The following KMT2B variants were observed in gnomAD, a reference collection of about 807,000 sequenced individuals.
The protein encoded by KMT2B is histone-lysine N-methyltransferase 2B.
Under a neutral mutation model 255.3 loss-of-function variants are expected in KMT2B, and 22 were observed. The observed-to-expected ratio is 0.09, with a 90% CI of 0.06 to 0.12. The LOEUF is 0.12. KMT2B is among the 10% of genes least tolerant of loss of function. The probability of loss-of-function intolerance (pLI) is 1.00; values close to 1 mark genes in which losing one functional copy is unlikely to be tolerated. For missense variants in KMT2B, 3,149 were observed against 3,737.0 expected (o/e 0.84, Z 4.10); for synonymous variants, 1,730 against 1,498.1 (o/e 1.15, Z -3.57).
At position 35,733,087 on chromosome 19, in the gene KMT2B, G is replaced by A. The variant is rs939716410; in HGVS notation, c.6538G>A (p.Ala2180Thr). 2 of 1,563,700 alleles carry A rather than the reference G, an allele frequency of 1.3e-6. No homozygotes were observed. The highest frequency in any genetic ancestry group is 1.7e-6 in the Non-Finnish European group (2 of 1,154,278). The change falls in exon 28 of 37, where the codon GCC (alanine) becomes ACC (threonine). Residue 2180 changes from alanine (A) to threonine (T), a missense_variant. Ala to Thr is a moderately conservative substitution (Grantham distance 58). Coordinates refer to ENST00000420124, the MANE Select transcript of KMT2B (RefSeq NM_014727.3). This position sits in a 1 kb window ranked among gnomAD's most constrained non-coding sequence, Gnocchi z 4.3. ...GGTCCGGGTGTTAAGCCTTGGCCCT[G>A]CCCCTGAGCCCCCCAAACCCGCCAC... Reference protein sequence around the residue: ...PGVRVLSLGPAPEPPKPATSK... With the variant: ...PGVRVLSLGPTPEPPKPATSK...
rs767028085 is a variant in KMT2B, at chr19:35,723,105, C to T, written c.2833C>T (p.Leu945=). The part of the protein sequence containing the change: ...ESEPTGSGGT[L]AHTPRRSLPS... ...AGAGCCCACAGGTTCTGGAGGGACC[C>T]TGGCCCACACACCCCGGCGCTCACT... is the stretch of plus-strand genomic sequence containing the variant. Residue 945 remains leucine, a synonymous_variant, in exon 6 of 37, where the codon CTG becomes TTG. Transcript: ENST00000420124. This position sits in a 1 kb window ranked among gnomAD's most constrained non-coding sequence, Gnocchi z 7.5. 1.4e-5 allele frequency: 23 copies of T among 1,613,230 alleles called. No homozygotes were observed. The highest frequency in any genetic ancestry group is 1.7e-5 in the Non-Finnish European group (20 of 1,179,858).
At position 35,733,994 on chromosome 19, in the gene KMT2B, C is replaced by A; in HGVS notation, c.7159+122C>A. 1.5e-6 allele frequency: 1 copy of A among 680,956 alleles called. No individual in the cohort carries two copies. Among genetic ancestry groups the A allele is most frequent in the Non-Finnish European group, 2.6e-6 (1 of 391,322 alleles). 42.2% of individuals were successfully genotyped at this position (680,956 alleles called of 1,614,324 possible). ...ACTCCCAGGGGCCAAGCCTGAGGCTCGGTGCTAGAGTTAGAGATGACCTTG... is the reference window on the plus strand; with the variant it reads ...ACTCCCAGGGGCCAAGCCTGAGGCTAGGTGCTAGAGTTAGAGATGACCTTG... On this transcript the variant is annotated intron_variant, in intron 30 of 36. Coordinates refer to ENST00000420124, the MANE Select transcript of KMT2B (RefSeq NM_014727.3). The surrounding 1 kb of genome is among the most constrained non-coding windows in gnomAD (Gnocchi z 4.3).
Position 35,721,539 on chromosome 19 carries a change from C to T in KMT2B, c.2192C>T (p.Pro731Leu), listed in dbSNP as rs960130483. 1.2e-6 allele frequency: 2 copies of T among 1,611,622 alleles called. No homozygotes were observed. Residue 731 changes from proline to leucine, a missense_variant, in exon 3 of 37, where the codon CCA (proline) becomes CTA (leucine). This residue lies in a region of KMT2B where 1,188 missense variants were observed against 1,106.4 expected (regional missense o/e 1.07). Coordinates refer to ENST00000420124, the MANE Select transcript of KMT2B (RefSeq NM_014727.3). ...GGGGCTCCAGCTCTGAGCAACGGGC[C>T]ACAGACACAGGCTCAGCTACTGCAG... ...PHGAPALSNG[P>L]QTQAQLLQPL...
rs1969020074 is a variant in KMT2B, at chr19:35,718,030, G to A, written c.12G>A (p.Ala4=). Residue 4 remains alanine (A), a synonymous_variant, in exon 1 of 37, where the codon GCG becomes GCA. Coordinates refer to ENST00000420124, the MANE Select transcript of KMT2B (RefSeq NM_014727.3). This position sits in a 1 kb window ranked among gnomAD's most constrained non-coding sequence, Gnocchi z 5.0. Reference sequence around the variant, plus strand: ...CTCACGGTGCCAAGATGGCGGCGGCGGCGGGCGGCGGCAGTTGCCCCGGGC... The same window carrying A: ...CTCACGGTGCCAAGATGGCGGCGGCAGCGGGCGGCGGCAGTTGCCCCGGGC... MAA[A]AGGGSCPGPG... 4 of 985,246 alleles carry A rather than the reference G, an allele frequency of 4.1e-6. No individual in the cohort carries two copies. Among genetic ancestry groups the A allele is most frequent in the Middle Eastern group, 5.2e-4 (1 of 1,932 alleles). 61.0% of individuals were successfully genotyped at this position (985,246 alleles called of 1,614,324 possible). A position where few individuals can be genotyped will look rare whatever the true frequency, so the allele number is the denominator to read the frequency against.
rs1407591338 is a variant in KMT2B, at chr19:35,725,868, C to T, written c.3885+50C>T. On this transcript the variant is annotated intron_variant, in intron 13 of 36. Coordinates refer to ENST00000420124, the MANE Select transcript of KMT2B (RefSeq NM_014727.3). This position sits in a 1 kb window ranked among gnomAD's most constrained non-coding sequence, Gnocchi z 4.1. ...GCTTTGTCTCTAATGAATATCACCA[C>T]CACCCCCAAACTTGCTCTAGGCTGG... The T allele has an allele frequency of 6.9e-7, 1 of 1,457,430 alleles. No individual in the cohort carries two copies. The highest frequency in any genetic ancestry group is 9.4e-7 in the Non-Finnish European group (1 of 1,062,096). The allele number at this position is 1,457,430 out of a possible 1,614,324, so 90.3% of individuals were successfully genotyped here.
In KMT2B at chr19:35,732,112, C is replaced by G; in HGVS notation, c.5642C>G (p.Ser1881Cys). Residue 1881 changes from serine (S) to cysteine (C), a missense_variant, in exon 27 of 37, where the codon TCC becomes TGC. By Grantham distance (112) the Ser-to-Cys change is moderately radical (BLOSUM62 -1). Around this residue, in one of 18 missense-constraint regions of KMT2B, gnomAD observed 897 missense variants for 825.3 expected, o/e 1.09. Coordinates refer to ENST00000420124, the MANE Select transcript of KMT2B (RefSeq NM_014727.3). ...SPSRRPLGGVSFGPLPSPGSP... is the reference protein window; with the variant it reads ...SPSRRPLGGVCFGPLPSPGSP... ...TCCCGGAGGCCCTTGGGGGGTGTCT[C>G]CTTTGGCCCCCTGCCCTCCCCTGGT... The G allele has an allele frequency of 6.3e-7, 1 of 1,598,352 alleles. No individual in the cohort carries two copies. Among genetic ancestry groups the G allele is most frequent in the South Asian group, 1.1e-5 (1 of 88,936 alleles).
Position 35,730,480 on chromosome 19 carries a change from C to T in KMT2B, c.5197+18C>T, listed in dbSNP as rs536773071. On this transcript the variant is annotated intron_variant, in intron 24 of 36. Coordinates refer to ENST00000420124, the MANE Select transcript of KMT2B (RefSeq NM_014727.3). Reference sequence around the variant, plus strand: ...GCTCATTGGTAAGCTGCCTGCTCTCCGCCCTGTCCTCCTACCCTGTCCTGC... The same window carrying T: ...GCTCATTGGTAAGCTGCCTGCTCTCTGCCCTGTCCTCCTACCCTGTCCTGC... The T allele has an allele frequency of 5.3e-5, 86 of 1,614,036 alleles. No individual in the cohort carries two copies. Among genetic ancestry groups the T allele is most frequent in the South Asian group, 2.7e-4 (25 of 91,088 alleles).
Position 35,737,463 on chromosome 19 carries a change from C to T in KMT2B, c.7551-173C>T, listed in dbSNP as rs1969963165. On this transcript the variant is annotated intron_variant, in intron 33 of 36. Coordinates refer to ENST00000420124, the MANE Select transcript of KMT2B (RefSeq NM_014727.3). The surrounding 1 kb of genome is among the most constrained non-coding windows in gnomAD (Gnocchi z 5.3). ...TTGGGAGGCCGAGGCAGGAGGATCGCATGAGCCCAGGAGTTGGAGACCAGC... is the reference window on the plus strand; with the variant it reads ...TTGGGAGGCCGAGGCAGGAGGATCGTATGAGCCCAGGAGTTGGAGACCAGC... The T allele has an allele frequency of 2.6e-6, 2 of 761,942 alleles. No homozygotes were observed. Among genetic ancestry groups the T allele is most frequent in the African/African-American group, 3.5e-5 (2 of 56,720 alleles). The allele number at this position is 761,942 out of a possible 1,614,324, so 47.2% of individuals were successfully genotyped here.
rs761678487 is a variant in KMT2B, at chr19:35,730,565, C to A, written c.5225C>A (p.Thr1742Asn). The A allele has an allele frequency of 6.2e-7, 1 of 1,614,024 alleles. No homozygotes were observed. Among genetic ancestry groups the A allele is most frequent in the Non-Finnish European group, 8.5e-7 (1 of 1,179,894 alleles). ...IGSIRIDSLG[T>N]LSDLSDCEGR... is the part of the protein sequence containing the mutation. Reference sequence around the variant, plus strand: ...TCCATCCGCATTGACTCCCTGGGTACTCTGTCTGATCTCTCGGACTGCGAG... The same window carrying A: ...TCCATCCGCATTGACTCCCTGGGTAATCTGTCTGATCTCTCGGACTGCGAG... Residue 1742 changes from threonine to asparagine, a missense_variant, in exon 25 of 37, where the codon ACT becomes AAT. Transcript: ENST00000420124.
chr19:35,720,605 C>T lies in KMT2B; in HGVS notation c.1258C>T (p.Pro420Ser). ...TTCACCTCCTCCACCCCTCCCACCC[C>T]CTTCGACATCTCCTCCACCCCCACT... The part of the protein sequence containing the change: ...APSPPPPLPP[P>S]STSPPPPLCP... Residue 420 changes from proline to serine, a missense_variant, in exon 3 of 37, where the codon CCT becomes TCT. This residue lies in a region of KMT2B where 1,188 missense variants were observed against 1,106.4 expected (regional missense o/e 1.07). Transcript: ENST00000420124. The T allele has an allele frequency of 6.7e-7, 1 of 1,494,284 alleles. No homozygotes were observed. The highest frequency in any genetic ancestry group is 8.9e-7 in the Non-Finnish European group (1 of 1,118,622). The allele number at this position is 1,494,284 out of a possible 1,614,324, so 92.6% of individuals were successfully genotyped here.
At position 35,736,738 on chromosome 19, in the gene KMT2B, A is replaced by G. The variant is rs777386594; in HGVS notation, c.7208A>G (p.Glu2403Gly). 1.2e-6 allele frequency: 2 copies of G among 1,613,994 alleles called. No homozygotes were observed. Among genetic ancestry groups the G allele is most frequent in the Admixed American group, 1.7e-5 (1 of 60,032 alleles). ...EEEPPSPDDK[E>G]NQAPKRTGPH... ...GAGCCTCCATCCCCAGATGATAAAGAGAACCAGGCCCCAAAACGGACTGGC... is the reference window on the plus strand; with the variant it reads ...GAGCCTCCATCCCCAGATGATAAAGGGAACCAGGCCCCAAAACGGACTGGC... The change falls in exon 31 of 37, where the codon GAG becomes GGG. Residue 2403 changes from glutamate (E) to glycine (G), a missense_variant. Glu to Gly is a moderately conservative substitution (Grantham distance 98, BLOSUM62 -2). Transcript: ENST00000420124.
chr19:35,723,558 G>T lies in KMT2B; in HGVS notation c.3058+56G>T, dbSNP rs1363891367. The T allele has an allele frequency of 6.0e-6, 9 of 1,489,184 alleles. No individual in the cohort carries two copies. Among genetic ancestry groups the T allele is most frequent in the Non-Finnish European group, 8.2e-6 (9 of 1,102,126 alleles). 92.2% of individuals were successfully genotyped at this position (1,489,184 alleles called of 1,614,324 possible). A position where few individuals can be genotyped will look rare whatever the true frequency, so the allele number is the denominator to read the frequency against. On this transcript the variant is annotated intron_variant, in intron 7 of 36. Transcript: ENST00000420124. The surrounding 1 kb of genome is among the most constrained non-coding windows in gnomAD (Gnocchi z 7.5). ...AAACCGTGTTAGAGTTTGTGCTGTG[G>T]AGGGAGCTGTTTTTCTTTGCTCTCC... is the stretch of plus-strand genomic sequence containing the variant.
At chr19:35,728,073 C>T in intron 18 of KMT2B, 25 bp from the exon 19 acceptor site, 1 of 1,581,828 alleles carries the variant, frequency 6.3e-7, no homozygotes, top group Non-Finnish European at 8.6e-7. Flanking sequence ...GCTGGCTCTT[C>T]TCATCCTGTT....
intron 30 of KMT2B, among the ~76,000 whole-genome samples, chr19:35,734,769 C>G (rs1811449944): frequency 6.6e-6 from 1 of 152,008 alleles, no homozygotes; most frequent in African/African-American, 2.4e-5. Flanking sequence ...TGGCTGCGGC[C>G]AGGTAAGCTG....
At position 35,733,907 on chromosome 19, in the gene KMT2B, G is replaced by A. The variant is rs753590774; in HGVS notation, c.7159+35G>A. On this transcript the variant is annotated intron_variant, in intron 30 of 36. Transcript: ENST00000420124. This position sits in a 1 kb window ranked among gnomAD's most constrained non-coding sequence, Gnocchi z 4.3. ...GGCCTTGCCCTCTCCCTCCTTGCCT[G>A]TGCCTGGCTCAGCTGGGTGACTCAC... 1.3e-6 allele frequency: 2 copies of A among 1,488,680 alleles called. No individual in the cohort carries two copies. Among genetic ancestry groups the A allele is most frequent in the Non-Finnish European group, 1.9e-6 (2 of 1,073,684 alleles). The allele number at this position is 1,488,680 out of a possible 1,614,324, so 92.2% of individuals were successfully genotyped here. A position where few individuals can be genotyped will look rare whatever the true frequency, so the allele number is the denominator to read the frequency against.
chr19:35,731,854 G>A (rs904318794), intron 26 of KMT2B, 54 bp from the exon 27 acceptor site: 26 of 1,332,382 alleles, frequency 2.0e-5, no homozygotes, highest in Non-Finnish European at 2.8e-5. Flanking sequence ...GAGCATGTGG[G>A]CAGGCTTTGA....
chr19:35,730,195 G>A, intron 23 of KMT2B, 70 bp downstream of exon 23: 2 of 1,604,756 alleles, frequency 1.2e-6, no homozygotes, highest in Non-Finnish European at 1.7e-6. Flanking sequence ...GACCCCCGTG[G>A]CCCCCAGGCC....
rs1452307627 is a variant in KMT2B, at chr19:35,721,108, A to T, written c.1761A>T (p.Pro587=). The change falls in exon 3 of 37, where the codon CCA becomes CCT. Residue 587 remains proline, a synonymous_variant. Transcript: ENST00000420124. ...CAGTCCCCTCTCCACCACGTGCCCC[A>T]ACTCCTCCATCTACCCCAGTTCCAC... ...PAPVPSPPRA[P]TPPSTPVPLP... 6 of 1,558,470 alleles carry T rather than the reference A, an allele frequency of 3.8e-6. No individual in the cohort carries two copies. The highest frequency in any genetic ancestry group is 1.6e-5 in the African/African-American group (1 of 63,718).
intron 30 of KMT2B, among the ~76,000 whole-genome samples, chr19:35,734,655 A>G (rs1378330001): frequency 2.0e-5 from 3 of 152,120 alleles, no homozygotes; most frequent in African/African-American, 7.2e-5. Flanking sequence ...ACTGTAATAC[A>G]TGGGGTGGAG....
Sources: gnomAD v4.1 joint callset for allele counts (sites outside exome capture counted in the v4.1 genomes callset) on GRCh38, gnomAD v4.1.1 for gene constraint, gnomAD v4.1.1 regional missense constraint, Gnocchi (gnomAD v3.1) non-coding constraint, MANE v1.5 for transcripts, NCBI Gene and HGNC (gene_info 2026-07-23, HGNC 2026-07-21) for gene names.